Variants in PRKD1 observed in about 807,000 individuals in gnomAD.
PRKD1 encodes the protein protein kinase D1, also known as serine/threonine-protein kinase D1.
PRKD1 carries 63 observed loss-of-function variants against 95.9 expected under a neutral mutation model. That is an observed-to-expected ratio of 0.66 (90% confidence interval 0.54 to 0.81). The LOEUF (loss-of-function observed/expected upper bound fraction) is 0.81, where lower values mean the gene tolerates loss of function less well. Ranked by LOEUF, PRKD1 falls within the 30% of genes least tolerant of loss-of-function variation. PRKD1 has a pLI of 0.00. For missense variants in PRKD1, 1,048 were observed against 1,165.3 expected (o/e 0.90, Z 1.47); for synonymous variants, 425 against 423.1 (o/e 1.00, Z -0.05).
intron 1 of PRKD1, among the ~76,000 whole-genome samples, chr14:29,849,577 C>CAA (rs368009160): frequency 0.036 from 5,072 of 139,672 alleles, 317 homozygotes; most frequent in African/African-American, 0.13. Flanking sequence ...ACAACAACAA[C>CAA]AAAAAAAAAA....
chr14:29,630,736 A>T lies in PRKD1; in HGVS notation c.1672+6T>A. 6.2e-7 allele frequency: 1 copy of T among 1,613,920 alleles called. No homozygotes were observed. Among genetic ancestry groups the T allele is most frequent in the Non-Finnish European group, 8.5e-7 (1 of 1,179,932 alleles). On this transcript the variant is annotated splice_donor_region_variant and intron_variant, in intron 10 of 17. Transcript: ENST00000331968. ...TTTGGGCTGGTTAGAAAACTGGCAG[A>T]CTCACTGTGCAAGTTGGTTCCTGTA...
At chr14:29,836,088 G>C (rs565874796) in intron 1 of PRKD1, among the ~76,000 whole-genome samples, 1 of 152,178 alleles carries the variant, frequency 6.6e-6, no homozygotes, top group Non-Finnish European at 1.5e-5. Context: ...CATCACAGAG[G>C]AGGTGACATG....
intron 1 of PRKD1, among the ~76,000 whole-genome samples, chr14:29,844,931 A>G (rs1243019842): frequency 6.6e-6 from 1 of 152,202 alleles, no homozygotes; most frequent in Non-Finnish European, 1.5e-5. Flanking sequence ...TGCTGTTAAG[A>G]TAATTTTCCA....
intron 10 of PRKD1, among the ~76,000 whole-genome samples, chr14:29,629,738 CA>C (rs892951896): frequency 1.3e-4 from 20 of 151,948 alleles, no homozygotes; most frequent in African/African-American, 4.6e-4. Flanking sequence ...TGCATTTTAG[CA>C]AATGTATCTC....
At chr14:29,721,304 AG>A (rs1722220669) in intron 2 of PRKD1, among the ~76,000 whole-genome samples, 1 of 152,278 alleles carries the variant, frequency 6.6e-6, no homozygotes, top group African/African-American at 2.4e-5. Context: ...AAGAAGCCCA[AG>A]AAAAACATTT....
intron 13 of PRKD1, among the ~76,000 whole-genome samples, chr14:29,620,834 C>T (rs1469558792): frequency 6.6e-6 from 1 of 151,552 alleles, no homozygotes. Flanking sequence ...GGGTGTATAA[C>T]CAAAGGACTA....
At chr14:29,886,095 C>A (rs1283249709) in intron 1 of PRKD1, among the ~76,000 whole-genome samples, 1 of 152,184 alleles carries the variant, frequency 6.6e-6, no homozygotes, top group Non-Finnish European at 1.5e-5. Context: ...AGCAGTGATA[C>A]GTGTCCAGGA....
chr14:29,676,256 T>C (rs1883212096), intron 2 of PRKD1, among the ~76,000 whole-genome samples: 1 of 146,070 alleles, frequency 6.8e-6, no homozygotes, highest in African/African-American at 2.6e-5. Context: ...ATTCACCAGC[T>C]GAATTCTTTC....
intron 16 of PRKD1, among the ~76,000 whole-genome samples, chr14:29,582,037 T>C (rs1892772222): frequency 6.6e-6 from 1 of 152,176 alleles, no homozygotes; most frequent in Admixed American, 6.5e-5. Context: ...ATTTTTTTTT[T>C]CAAATGCTTT....
At chr14:29,668,277 T>C (rs896018172) in intron 2 of PRKD1, among the ~76,000 whole-genome samples, 1 of 152,138 alleles carries the variant, frequency 6.6e-6, no homozygotes, top group Non-Finnish European at 1.5e-5. Context: ...GTAATTCCAT[T>C]TCATTTAAGT....
At chr14:29,837,267 C>A (rs1891646163) in intron 1 of PRKD1, among the ~76,000 whole-genome samples, 1 of 152,052 alleles carries the variant, frequency 6.6e-6, no homozygotes, top group South Asian at 2.1e-4. Context: ...AATGAACAAA[C>A]AAACTCTACT....
chr14:29,877,960 T>C (rs1893361651), intron 1 of PRKD1, among the ~76,000 whole-genome samples: 2 of 152,226 alleles, frequency 1.3e-5, no homozygotes, highest in Admixed American at 1.3e-4. Context: ...CATGGAATAT[T>C]ATTGCAGCCA....
At chr14:29,650,447 A>C (rs1433369973) in intron 4 of PRKD1, 1 of 152,324 alleles carries the variant, frequency 6.6e-6, no homozygotes, top group East Asian at 1.9e-4. Flanking sequence ...CAAGTTTCCC[A>C]GGTCTCCTCT....
chr14:29,637,623 G>A lies in PRKD1; in HGVS notation c.985+866C>T, dbSNP rs530736067. ...ACATGCCACAGAAAGTGGGACGATCGCCAAGCTTTCAATTTTGGCAGCTAA... is the reference window on the plus strand; with the variant it reads ...ACATGCCACAGAAAGTGGGACGATCACCAAGCTTTCAATTTTGGCAGCTAA... On this transcript the variant is annotated intron_variant, in intron 6 of 17. Coordinates refer to ENST00000331968, the MANE Select transcript of PRKD1 (RefSeq NM_002742.3). Among the ~76,000 whole-genome samples the A allele has an allele frequency of 4.3e-4, 65 of 152,266 alleles. 1 individual carries two copies. The South Asian group carries it at 7.5e-3, about 17-fold the overall frequency.
chr14:29,701,006 A>ACACACACACACACC (rs1555337080), intron 2 of PRKD1, among the ~76,000 whole-genome samples: 16 of 50,686 alleles, frequency 3.2e-4, no homozygotes, highest in African/African-American at 1.7e-3. Context: ...ACACACACAC[A>ACACACACACACACC]CCCTGTTGTG....
At chr14:29,926,535 AG>A (rs1186177887) in intron 1 of PRKD1, among the ~76,000 whole-genome samples, 2 of 152,124 alleles carry the variant, frequency 1.3e-5, no homozygotes. Context: ...CGCTGTCCAG[AG>A]CCCCACAGCC....
intron 2 of PRKD1, among the ~76,000 whole-genome samples, chr14:29,718,682 G>C (rs1885740399): frequency 6.6e-6 from 1 of 152,282 alleles, no homozygotes; most frequent in East Asian, 1.9e-4. Context: ...TGAAGTTAGA[G>C]AAGATTTGGC....
chr14:29,856,067 G>A (rs1892488301), intron 1 of PRKD1, among the ~76,000 whole-genome samples: 1 of 152,094 alleles, frequency 6.6e-6, no homozygotes, highest in Non-Finnish European at 1.5e-5. Context: ...GGCTTCACTA[G>A]AACATATGCA....
At chr14:29,777,348 C>T (rs888355972) in intron 1 of PRKD1, among the ~76,000 whole-genome samples, 2 of 152,128 alleles carry the variant, frequency 1.3e-5, no homozygotes, top group Non-Finnish European at 2.9e-5. Context: ...CAAAGACTGG[C>T]AAACTGGATA....
Sources: gnomAD v4.1 joint callset for allele counts (sites outside exome capture counted in the v4.1 genomes callset) on GRCh38, gnomAD v4.1.1 for gene constraint, MANE v1.5 for transcripts, NCBI Gene and HGNC (gene_info 2026-07-23, HGNC 2026-07-21) for gene names.